Variants in TTN observed in about 807,000 individuals in gnomAD.
The protein encoded by TTN is connectin.
TTN carries 1,525 observed loss-of-function variants against 3,223.0 expected under a neutral mutation model. That is an observed-to-expected ratio of 0.47 (90% CI 0.45 to 0.49). The LOEUF is 0.49. Ranked by LOEUF, TTN falls within the 20% of genes least tolerant of loss-of-function variation. The probability of loss-of-function intolerance (pLI) is 0.00; values close to 1 mark genes in which losing one functional copy is unlikely to be tolerated. For missense variants in TTN, 40,786 were observed against 43,424.0 expected (o/e 0.94, Z 5.40); for synonymous variants, 14,094 against 15,161.0 (o/e 0.93, Z 5.17).
chr2:178,749,651 G>A (rs1281744549), intron 47 of TTN: 1 of 1,612,700 alleles, frequency 6.2e-7, no homozygotes, highest in Non-Finnish European at 8.5e-7. Flanking sequence ...ATAAGTGACA[G>A]GCTCCACTGT....
At chr2:178,792,221 A>T in intron 9 of TTN, 24 bp from the exon 10 acceptor site, 16 of 1,594,138 alleles carry the variant, frequency 1.0e-5, no homozygotes, top group Non-Finnish European at 1.3e-5. Context: ...TTTAAGAAAA[A>T]ACTTTATTTC....
chr2:178,637,187 A>ATATATATATATCTATC (rs1553749552), intron 224 of TTN, among the ~76,000 whole-genome samples, 182 bp downstream of exon 224: 3 of 125,308 alleles, frequency 2.4e-5, no homozygotes, highest in African/African-American at 9.1e-5. Context: ...ATATATATAT[A>ATATATATATATCTATC]TATCTCCTTG....
chr2:178,733,882 G>T lies in TTN; in HGVS notation c.15507C>A (p.Thr5169=). 1 of 1,591,222 alleles carries T rather than the reference G, an allele frequency of 6.3e-7. No individual in the cohort carries two copies. The highest frequency in any genetic ancestry group is 8.6e-7 in the Non-Finnish European group (1 of 1,165,712). ...TCAAATCATCTACTTTCTTTACAAA[G>T]GTTGGAGGTTCTAGTTAAGGAAAGA... ...MATHLLKEPP[T]FVKKVDDLIA... is the part of the protein sequence containing the mutation. Residue 5169 remains threonine (T), a synonymous_variant, in exon 53 of 363, where the codon ACC becomes ACA. Coordinates refer to ENST00000589042, the MANE Select transcript of TTN (RefSeq NM_001267550.2).
In TTN at chr2:178,704,888, A is replaced by G. The variant is rs754449434; in HGVS notation, c.29683T>C (p.Ser9895Pro). 6.2e-7 allele frequency: 1 copy of G among 1,613,478 alleles called. No homozygotes were observed. The highest frequency in any genetic ancestry group is 8.5e-7 in the Non-Finnish European group (1 of 1,179,766). ...ELVSFIQQRLSQTEPVTLIKD... is the reference protein window; with the variant it reads ...ELVSFIQQRLPQTEPVTLIKD... Reference sequence around the variant, plus strand: ...ATAATTCTTTTTACCTCTGTCTGTGACAGTCTTTGCTGAATAAATGATACA... The same window carrying G: ...ATAATTCTTTTTACCTCTGTCTGTGGCAGTCTTTGCTGAATAAATGATACA... The change falls in exon 104 of 363, where the codon TCA (serine) becomes CCA (proline). Residue 9895 changes from serine (S) to proline (P), a missense_variant. Transcript: ENST00000589042.
intron 208 of TTN, 117 bp downstream of exon 208, chr2:178,651,126 G>A: frequency 3.6e-6 from 3 of 827,906 alleles, no homozygotes; most frequent in Non-Finnish European, 5.7e-6. Context: ...TAAAAATCCA[G>A]AATGACAGTT....
In TTN at chr2:178,585,445, A is replaced by T. The variant is rs1184037804; in HGVS notation, c.64397-98T>A. 8 of 1,297,306 alleles carry T rather than the reference A, an allele frequency of 6.2e-6. No homozygotes were observed. The East Asian group carries it at 1.9e-4, about 31-fold the overall frequency. The allele number at this position is 1,297,306 out of a possible 1,614,324, so 80.4% of individuals were successfully genotyped here. ...GCAAATTAATGCTTGTATTACCACC[A>T]ATTTTTTTTAATATATACTTTAAGT... On this transcript the variant is annotated intron_variant, in intron 308 of 362. Transcript: ENST00000589042.
At position 178,767,616 on chromosome 2, in the gene TTN, A is replaced by C; in HGVS notation, c.9471+143T>G. ...GTGACTAAATTGAGGTCAGCATAAG[A>C]GAGTCTAAGCCAAGTAAGAATGAGC... On this transcript the variant is annotated intron_variant, in intron 40 of 362. Transcript: ENST00000589042. The C allele has an allele frequency of 5.1e-6, 6 of 1,177,916 alleles. No individual in the cohort carries two copies. In the South Asian group the frequency reaches 8.0e-5, roughly 16 times the overall value. The allele number at this position is 1,177,916 out of a possible 1,614,324, so 73.0% of individuals were successfully genotyped here.
intron 180 of TTN, among the ~76,000 whole-genome samples, chr2:178,660,408 A>G (rs937442723): frequency 1.3e-5 from 1 of 74,668 alleles, no homozygotes; most frequent in African/African-American, 5.3e-5. Flanking sequence ...GACAAACCTG[A>G]CAAAAACAAG....
chr2:178,800,230 G>T (rs1280345454), intron 4 of TTN, among the ~76,000 whole-genome samples, 165 bp downstream of exon 4: 1 of 152,094 alleles, frequency 6.6e-6, no homozygotes, highest in Non-Finnish European at 1.5e-5. Context: ...CTGCGCTCCT[G>T]ACTAGAATCT....
At chr2:178,705,394 T>C in intron 102 of TTN, 37 bp from the exon 103 acceptor site, 3 of 1,413,200 alleles carry the variant, frequency 2.1e-6, no homozygotes, top group Non-Finnish European at 2.8e-6. Flanking sequence ...AAAACACCTG[T>C]CTTCTACTTA....
chr2:178,689,220 A>G, intron 124 of TTN, 70 bp downstream of exon 124: 6 of 1,591,632 alleles, frequency 3.8e-6, no homozygotes, highest in Non-Finnish European at 5.1e-6. Flanking sequence ...CCCACAGTGC[A>G]CTCATATCAC....
At chr2:178,803,180 T>C (rs1340201508) in intron 2 of TTN, among the ~76,000 whole-genome samples, 1 of 152,246 alleles carries the variant, frequency 6.6e-6, no homozygotes, top group Non-Finnish European at 1.5e-5. Flanking sequence ...AAGTCTATTT[T>C]GTTGTTTATA....
rs199837769 is a variant in TTN at position 178,603,891 on chromosome 2, C to A, written c.54796G>T (p.Ala18266Ser). The part of the protein sequence containing the change: ...PPSEPSDPEV[A>S]GDPIFPPGPP... ...GCATACTTACATATGGGATCTCCTGCAACCTCTGGATCTGATGGTTCACTG... is the reference window on the plus strand; with the variant it reads ...GCATACTTACATATGGGATCTCCTGAAACCTCTGGATCTGATGGTTCACTG... The change falls in exon 282 of 363, where the codon GCA (alanine) becomes TCA (serine). Residue 18266 changes from alanine to serine, a missense_variant. Transcript: ENST00000589042. 1.4e-4 allele frequency: 225 copies of A among 1,597,570 alleles called. No homozygotes were observed. The highest frequency in any genetic ancestry group is 1.9e-4 in the Non-Finnish European group (218 of 1,168,204).
rs878925775 is a variant in TTN at position 178,589,411 on chromosome 2, C to T, written c.62314G>A (p.Asp20772Asn). 7 of 1,613,316 alleles carry T rather than the reference C, an allele frequency of 4.3e-6. No individual in the cohort carries two copies. Among genetic ancestry groups the T allele is most frequent in the Non-Finnish European group, 5.9e-6 (7 of 1,179,644 alleles). ...GTTAGGACCCCACTTAATTTCAGATCAAGTACTGGTTTTTGTAAGTCTTCT... is the reference window on the plus strand; with the variant it reads ...GTTAGGACCCCACTTAATTTCAGATTAAGTACTGGTTTTTGTAAGTCTTCT... Reference protein sequence around the residue: ...VKEDLQKPVLDLKLSGVLTVK... With the variant: ...VKEDLQKPVLNLKLSGVLTVK... Residue 20772 changes from aspartate (D) to asparagine (N), a missense_variant, in exon 304 of 363, where the codon GAT (aspartate) becomes AAT (asparagine). Coordinates refer to ENST00000589042, the MANE Select transcript of TTN (RefSeq NM_001267550.2).
intron 89 of TTN, 59 bp from the exon 90 acceptor site, chr2:178,715,323 GAATC>G: frequency 2.6e-6 from 4 of 1,526,316 alleles, no homozygotes; most frequent in Non-Finnish European, 3.5e-6. Flanking sequence ...TTAAAAGTAA[GAATC>G]AATCTTCCAC....
In TTN at chr2:178,582,078, G is replaced by A. The variant is rs2154177874; in HGVS notation, c.66291C>T (p.Thr22097=). ...TGACCTTAGTCCAGTTAACAGCCTG[G>A]GTTTCCCGCTTTTCAAGCAAATAGC... The part of the protein sequence containing the change: ...ITGYLLEKRE[T]QAVNWTKVNR... Residue 22097 remains threonine, a synonymous_variant, in exon 315 of 363, where the codon ACC becomes ACT. Transcript: ENST00000589042. The A allele has an allele frequency of 6.2e-7, 1 of 1,613,166 alleles. No homozygotes were observed.
Position 178,613,013 on chromosome 2 carries a change from ACCT to A in TTN, c.49705_49707del (p.Arg16569del). ...TCATGTTCTGGTTTTGTCCAATTCA[ACCT>A]TACTGATGTTTTGCCTACATCTTTT... On this transcript the variant is annotated inframe_deletion, in exon 265 of 363. Transcript: ENST00000589042. 2 of 1,612,772 alleles carry A rather than the reference ACCT, an allele frequency of 1.2e-6. No homozygotes were observed. Among genetic ancestry groups the A allele is most frequent in the Non-Finnish European group, 1.7e-6 (2 of 1,179,254 alleles).
At position 178,617,868 on chromosome 2, in the gene TTN, T is replaced by C; in HGVS notation, c.47483A>G (p.Glu15828Gly). ...ATVTDVVEGQ[E>G]YSFRVRAQNR... Reference sequence around the variant, plus strand: ...TTGGGCTCTCACTCGGAAACTGTACTCCTGTCCTTCTACCACATCAGTAAC... The same window carrying C: ...TTGGGCTCTCACTCGGAAACTGTACCCCTGTCCTTCTACCACATCAGTAAC... The change falls in exon 253 of 363, where the codon GAG becomes GGG. Residue 15828 changes from glutamate to glycine, a missense_variant. Transcript: ENST00000589042. 2.5e-6 allele frequency: 4 copies of C among 1,612,696 alleles called. No homozygotes were observed. Among genetic ancestry groups the C allele is most frequent in the Non-Finnish European group, 3.4e-6 (4 of 1,179,096 alleles).
At position 178,800,516 on chromosome 2, in the gene TTN, T is replaced by C. The variant is rs1470412147; in HGVS notation, c.462A>G (p.Gln154=). 7 of 1,614,072 alleles carry C rather than the reference T, an allele frequency of 4.3e-6. No individual in the cohort carries two copies. The highest frequency in any genetic ancestry group is 5.9e-6 in the Non-Finnish European group (7 of 1,180,016). Residue 154 remains glutamine, a synonymous_variant, in exon 4 of 363, where the codon CAA becomes CAG. Transcript: ENST00000589042. ...IQSSLDFQIS[Q]EGDLYSLLIA... ...TCAGTAAGCTGTAGAGGTCGCCTTC[T>C]TGTGAAATTTGGAAATCAAGGGAGC...
Sources: allele counts gnomAD v4.1 joint callset (sites outside exome capture counted in the v4.1 genomes callset), GRCh38; gene constraint gnomAD v4.1.1; transcripts MANE v1.5; gene names NCBI Gene and HGNC (gene_info 2026-07-23, HGNC 2026-07-21).